The following MYBPC1 variants were observed in gnomAD, a reference collection of about 807,000 sequenced individuals.
MYBPC1 encodes myosin binding protein C1.
A neutral mutation model predicts 147.1 loss-of-function variants in MYBPC1; 52 were observed. The ratio of observed to expected loss-of-function variants is 0.35; its 90% CI spans 0.28 to 0.45. MYBPC1 has a LOEUF of 0.45. MYBPC1 is among the 20% of genes least tolerant of loss of function. The probability of loss-of-function intolerance (pLI) is 1.00; values close to 1 mark genes in which losing one functional copy is unlikely to be tolerated. For missense variants in MYBPC1, 1,228 were observed against 1,440.3 expected (o/e 0.85, Z 2.39); for synonymous variants, 477 against 475.9 (o/e 1.00, Z -0.03).
chr12:101,685,812 A>T lies in MYBPC1; in HGVS notation c.*250A>T. The T allele has an allele frequency of 1.3e-4, 17 of 134,576 alleles. No individual in the cohort carries two copies. Among genetic ancestry groups the T allele is most frequent in the Middle Eastern group, 2.1e-3 (1 of 486 alleles). 8.3% of individuals were successfully genotyped at this position (134,576 alleles called of 1,614,324 possible). On this transcript the variant is annotated 3_prime_UTR_variant, in exon 32 of 32. Transcript: ENST00000361466. Reference sequence around the variant, plus strand: ...TTTCTTTCCTCCTAATGTTGAAGAGAAAAAAAAAAAAAAAAGTTTGCCCAG... The same window carrying T: ...TTTCTTTCCTCCTAATGTTGAAGAGTAAAAAAAAAAAAAAAGTTTGCCCAG...
In MYBPC1 at chr12:101,662,349, T is replaced by A. The variant is rs1239597775; in HGVS notation, c.2033-9T>A. 6.2e-7 allele frequency: 1 copy of A among 1,614,040 alleles called. No homozygotes were observed. The highest frequency in any genetic ancestry group is 1.7e-5 in the Admixed American group (1 of 60,020). On this transcript the variant is annotated splice_polypyrimidine_tract_variant and intron_variant, in intron 20 of 31. Transcript: ENST00000361466. ...GAAAAACCTTAGTTTTCATTTTGCA[T>A]ACCTGCAGGATATTTTATTGAGAGG...
chr12:101,694,091 A>G, the MYBPC1 span, among the ~76,000 whole-genome samples: 1 of 152,162 alleles, frequency 6.6e-6, no homozygotes, highest in Non-Finnish European at 1.5e-5. Flanking sequence ...TACCATGCCT[A>G]CCCAGACATC....
At chr12:101,691,676 A>G in the MYBPC1 span, among the ~76,000 whole-genome samples, 1 of 152,366 alleles carries the variant, frequency 6.6e-6, no homozygotes, top group South Asian at 2.1e-4. Flanking sequence ...CTATTGTGCT[A>G]TGGAAATGTA....
intron 2 of MYBPC1, among the ~76,000 whole-genome samples, chr12:101,615,917 T>C (rs1395847609): frequency 1.3e-5 from 2 of 152,138 alleles, no homozygotes; most frequent in Non-Finnish European, 2.9e-5. Context: ...TTTCTCTTTC[T>C]TGAGACAGGG....
intron 7 of MYBPC1, 129 bp downstream of exon 7, chr12:101,631,848 G>T: frequency 7.0e-7 from 1 of 1,426,108 alleles, no homozygotes. Flanking sequence ...CCATTGCAGT[G>T]TCTACACTCT....
At chr12:101,671,329 A>ACACACT (rs1555252594) in intron 24 of MYBPC1, among the ~76,000 whole-genome samples, 1,532 of 138,464 alleles carry the variant, frequency 0.011, 17 homozygotes, top group African/African-American at 0.037. Context: ...ACACACACAC[A>ACACACT]CACACACACT....
intron 1 of MYBPC1, among the ~76,000 whole-genome samples, chr12:101,595,701 T>C (rs1315818878): frequency 6.6e-6 from 1 of 152,182 alleles, no homozygotes; most frequent in African/African-American, 2.4e-5. Flanking sequence ...TGTCCCTGAA[T>C]ATCATGAATA....
chr12:101,648,177 A>G (rs376885483), intron 14 of MYBPC1, 27 bp downstream of exon 14: 10 of 1,525,494 alleles, frequency 6.6e-6, no homozygotes, highest in Non-Finnish European at 8.9e-6. Flanking sequence ...AAGTCTGTCC[A>G]TGTTTAATAG....
chr12:101,635,262 T>C (rs961128072), intron 9 of MYBPC1, among the ~76,000 whole-genome samples: 1 of 152,166 alleles, frequency 6.6e-6, no homozygotes, highest in Non-Finnish European at 1.5e-5. Flanking sequence ...CCTGTCATTA[T>C]GTTATTCTCT....
rs1566006431 is a variant in MYBPC1 at position 101,675,315 on chromosome 12, G to C, written c.2833G>C (p.Val945Leu). 2 of 1,614,102 alleles carry C rather than the reference G, an allele frequency of 1.2e-6. No homozygotes were observed. The highest frequency in any genetic ancestry group is 3.3e-5 in the Admixed American group (2 of 60,002). ...IIDRPGPPQI[V>L]KIEDVWGENV... ...AGACCGTCCAGGTCCACCCCAAATTGTGAAGATTGAGGATGTCTGGGGAGA... is the reference window on the plus strand; with the variant it reads ...AGACCGTCCAGGTCCACCCCAAATTCTGAAGATTGAGGATGTCTGGGGAGA... Residue 945 changes from valine to leucine, a missense_variant, in exon 26 of 32, where the codon GTG (valine) becomes CTG (leucine). Physicochemically the swap from Val to Leu is conservative, Grantham distance 32. This residue lies in a region of MYBPC1 where 1,077 missense variants were observed against 1,314.2 expected (regional missense o/e 0.82). Transcript: ENST00000361466.
chr12:101,649,329 A>C lies in MYBPC1; in HGVS notation c.1266A>C (p.Lys422Asn), dbSNP rs1893911955. The change falls in exon 15 of 32, where the codon AAA becomes AAC. Residue 422 changes from lysine (K) to asparagine (N), a missense_variant. By Grantham distance (94) the Lys-to-Asn change is moderately conservative. Around this residue, in one of 2 missense-constraint regions of MYBPC1, gnomAD observed 1,077 missense variants for 1,314.2 expected, o/e 0.82. Transcript: ENST00000361466. Reference protein sequence around the residue: ...SRYRIRVEGKKHILIIEGATK... With the variant: ...SRYRIRVEGKNHILIIEGATK... ...ACCGAATTAGAGTTGAGGGTAAAAA[A>C]CACATCTTGATCATAGAGGGAGCAA... 1.9e-6 allele frequency: 3 copies of C among 1,613,854 alleles called. No individual in the cohort carries two copies. Among genetic ancestry groups the C allele is most frequent in the Admixed American group, 1.7e-5 (1 of 60,010 alleles).
At chr12:101,692,317 G>C in the MYBPC1 span, among the ~76,000 whole-genome samples, 1 of 152,128 alleles carries the variant, frequency 6.6e-6, no homozygotes, top group Non-Finnish European at 1.5e-5. Context: ...GGACTGGAAT[G>C]GCACAAAACC....
chr12:101,622,283 G>A (rs1887609385), intron 3 of MYBPC1, among the ~76,000 whole-genome samples: 1 of 152,060 alleles, frequency 6.6e-6, no homozygotes, highest in African/African-American at 2.4e-5. Context: ...AATAGAACCT[G>A]GTTTCTATGA....
chr12:101,640,791 T>C (rs1472182201), intron 10 of MYBPC1, among the ~76,000 whole-genome samples: 1 of 152,154 alleles, frequency 6.6e-6, no homozygotes. Flanking sequence ...ATTTTATCCA[T>C]GATTACAACC....
At chr12:101,626,297 A>C (rs1229362119) in intron 3 of MYBPC1, among the ~76,000 whole-genome samples, 1 of 152,172 alleles carries the variant, frequency 6.6e-6, no homozygotes, top group Non-Finnish European at 1.5e-5. Flanking sequence ...ATATGGGTAA[A>C]TATTCAGAAA....
At chr12:101,660,640 A>G (rs4764806) in intron 19 of MYBPC1, among the ~76,000 whole-genome samples, 138,265 of 152,050 alleles carry the variant, frequency 0.91, 63,178 homozygotes, top group East Asian at 1. Flanking sequence ...GCCCAAATTA[A>G]TTACTAACTT....
chr12:101,623,053 C>T (rs1046281124), intron 3 of MYBPC1, among the ~76,000 whole-genome samples: 5 of 152,036 alleles, frequency 3.3e-5, no homozygotes, highest in Non-Finnish European at 7.4e-5. Context: ...AACAGATTGC[C>T]GGCCAGGTGC....
At chr12:101,662,872 T>C (rs944323201) in intron 21 of MYBPC1, among the ~76,000 whole-genome samples, 5 of 152,192 alleles carry the variant, frequency 3.3e-5, no homozygotes, top group Non-Finnish European at 7.3e-5. Flanking sequence ...CTGAAGGTAT[T>C]AACCTGTTAA....
chr12:101,607,927 C>T (rs1413143953), intron 1 of MYBPC1, among the ~76,000 whole-genome samples: 1 of 152,194 alleles, frequency 6.6e-6, no homozygotes, highest in East Asian at 1.9e-4. Context: ...TAGAAATGGA[C>T]TCCATTGGAG....
Sources: allele counts gnomAD v4.1 joint callset (sites outside exome capture counted in the v4.1 genomes callset), GRCh38; gene constraint gnomAD v4.1.1; regional missense constraint gnomAD v4.1.1; transcripts MANE v1.5; gene names NCBI Gene and HGNC (gene_info 2026-07-23, HGNC 2026-07-21).